Variants in MMP16 observed in about 807,000 individuals in gnomAD.
MMP16 encodes the protein matrix metallopeptidase 16.
In MMP16, 12 loss-of-function variants were observed where a neutral mutation model predicts 67.8. That is an observed-to-expected ratio of 0.18 (90% CI 0.11 to 0.29). The LOEUF (loss-of-function observed/expected upper bound fraction) is 0.29. MMP16 is among the 10% of genes least tolerant of loss of function. The probability of loss-of-function intolerance (pLI) is 1.00; values close to 1 mark genes in which losing one functional copy is unlikely to be tolerated. For missense variants in MMP16, 475 were observed against 765.7 expected (o/e 0.62, Z 4.48); for synonymous variants, 249 against 255.9 (o/e 0.97, Z 0.26).
chr8:88,203,667 C>T (rs1175976829), intron 1 of MMP16, among the ~76,000 whole-genome samples: 1 of 152,128 alleles, frequency 6.6e-6, no homozygotes. Context: ...TGAATTATAT[C>T]ATCTTACAGA....
rs185122880 is a variant in MMP16, at chr8:88,269,503, G to A, written c.132+57572C>T. Among the ~76,000 whole-genome samples the A allele has an allele frequency of 2.6e-3, 391 of 152,268 alleles. 4 individuals are homozygous for A. The Middle Eastern group carries it at 0.031, about 12-fold the overall frequency. ...AGGGGAATAATACATTTACCTAGAA[G>A]CATAAAAATATGTTCAATATGAACA... On this transcript the variant is annotated intron_variant, in intron 1 of 9. Coordinates refer to ENST00000286614, the MANE Select transcript of MMP16 (RefSeq NM_005941.5).
In MMP16 at chr8:88,151,051, G is replaced by A. The variant is rs1242920283; in HGVS notation, c.709+16618C>T. Reference sequence around the variant, plus strand: ...AGCAAATGGAAAACAAAAAAAGGCAGGGGTTGCAATCCTAGTCTCTGATAA... The same window carrying A: ...AGCAAATGGAAAACAAAAAAAGGCAAGGGTTGCAATCCTAGTCTCTGATAA... On this transcript the variant is annotated intron_variant, in intron 4 of 9. Transcript: ENST00000286614. Among the ~76,000 whole-genome samples, 5 of 132,380 alleles carry A rather than the reference G, an allele frequency of 3.8e-5. 1 individual carries two copies. Among genetic ancestry groups the A allele is most frequent in the African/African-American group, 1.5e-4 (5 of 34,354 alleles). 86.8% of individuals were successfully genotyped at this position (132,380 alleles called of 152,430 possible).
intron 1 of MMP16, among the ~76,000 whole-genome samples, chr8:88,232,021 A>AT (rs1174883507): frequency 6.6e-6 from 1 of 152,140 alleles, no homozygotes; most frequent in Admixed American, 6.6e-5. Context: ...GTTTTCCTGC[A>AT]TGGACATTGA....
At chr8:88,320,211 T>C (rs1271975395) in intron 1 of MMP16, among the ~76,000 whole-genome samples, 1 of 152,200 alleles carries the variant, frequency 6.6e-6, no homozygotes, top group Non-Finnish European at 1.5e-5. Context: ...TAAACTCTGC[T>C]TTCATTGAAA....
chr8:88,093,444 C>T (rs960803358), intron 6 of MMP16, among the ~76,000 whole-genome samples: 2 of 151,672 alleles, frequency 1.3e-5, no homozygotes, highest in South Asian at 2.1e-4. Context: ...CTTTTAAGCG[C>T]GAATCACTGA....
chr8:88,147,798 T>TGTGC (rs1808319537), intron 4 of MMP16, among the ~76,000 whole-genome samples: 1 of 151,874 alleles, frequency 6.6e-6, no homozygotes, highest in South Asian at 2.1e-4. Context: ...TGTGTGTGTG[T>TGTGC]GCATGCACGC....
At chr8:88,224,271 T>C (rs1290380687) in intron 1 of MMP16, among the ~76,000 whole-genome samples, 3 of 152,058 alleles carry the variant, frequency 2.0e-5, no homozygotes, top group Admixed American at 2.0e-4. Context: ...TAATACCTCT[T>C]TAAGAATTTA....
At chr8:88,256,680 TCTCTCA>T (rs1383141313) in intron 1 of MMP16, among the ~76,000 whole-genome samples, 3 of 148,516 alleles carry the variant, frequency 2.0e-5, no homozygotes, top group African/African-American at 7.4e-5. Flanking sequence ...TCTCTCTCTC[TCTCTCA>T]CACACACACA....
chr8:88,109,018 TAGA>T (rs552784015), intron 6 of MMP16, among the ~76,000 whole-genome samples: 225 of 151,394 alleles, frequency 1.5e-3, no homozygotes, highest in African/African-American at 5.2e-3. Context: ...GCATTGGGAA[TAGA>T]AGAACAAGAC....
intron 1 of MMP16, among the ~76,000 whole-genome samples, chr8:88,254,192 A>G (rs1340163849): frequency 6.6e-6 from 1 of 152,144 alleles, no homozygotes; most frequent in Admixed American, 6.6e-5. Flanking sequence ...CCACTATCTT[A>G]GAAAATGAAT....
chr8:88,221,806 C>T (rs1008675458), intron 1 of MMP16, among the ~76,000 whole-genome samples: 9 of 151,878 alleles, frequency 5.9e-5, no homozygotes, highest in Non-Finnish European at 8.8e-5. Flanking sequence ...AAGAAAAAAG[C>T]AATTATATTT....
chr8:88,136,299 G>C (rs1381705782), intron 4 of MMP16, among the ~76,000 whole-genome samples: 1 of 151,834 alleles, frequency 6.6e-6, no homozygotes, highest in Admixed American at 6.6e-5. Context: ...CACTGTAAGA[G>C]CTTGACTACA....
intron 1 of MMP16, among the ~76,000 whole-genome samples, chr8:88,200,898 A>T (rs1677831570): frequency 6.6e-6 from 1 of 151,958 alleles, no homozygotes; most frequent in Non-Finnish European, 1.5e-5. Flanking sequence ...GTAATTTTTT[A>T]AAATATGTAT....
At chr8:88,272,777 T>C (rs1449556288) in intron 1 of MMP16, among the ~76,000 whole-genome samples, 1 of 152,218 alleles carries the variant, frequency 6.6e-6, no homozygotes, top group African/African-American at 2.4e-5. Context: ...AGTGAAATTC[T>C]AGCAGAGATG....
chr8:88,305,138 T>G (rs1811193864), intron 1 of MMP16, among the ~76,000 whole-genome samples: 1 of 152,174 alleles, frequency 6.6e-6, no homozygotes, highest in Admixed American at 6.5e-5. Flanking sequence ...AAGCAGGGAT[T>G]GCAATCTTGG....
At chr8:88,161,050 T>C (rs1019635288) in intron 4 of MMP16, among the ~76,000 whole-genome samples, 1 of 152,200 alleles carries the variant, frequency 6.6e-6, no homozygotes, top group Non-Finnish European at 1.5e-5. Flanking sequence ...ATCAGGATGA[T>C]GCTGGCCTCA....
At chr8:88,052,780 TTG>T (rs1252893192) in intron 8 of MMP16, among the ~76,000 whole-genome samples, 1 of 152,198 alleles carries the variant, frequency 6.6e-6, no homozygotes. Context: ...CTGCAACACA[TTG>T]TCCTGAACAG....
chr8:88,217,088 A>G (rs748595340), intron 1 of MMP16, among the ~76,000 whole-genome samples: 1 of 152,004 alleles, frequency 6.6e-6, no homozygotes, highest in African/African-American at 2.4e-5. Flanking sequence ...TGTTCTTCCA[A>G]TGTTTTTCTG....
chr8:88,259,200 C>G lies in MMP16; in HGVS notation c.133-61894G>C, dbSNP rs28904585. 6.8e-3 allele frequency among the ~76,000 whole-genome samples: 1,041 copies of G among 152,194 alleles called. 14 individuals are homozygous for G. Among genetic ancestry groups the G allele is most frequent in the African/African-American group, 0.022 (926 of 41,524 alleles). ...ATAGCTACCTATATATGGATGCTAC[C>G]TATATATAGTATACATGTAACTATC... On this transcript the variant is annotated intron_variant, in intron 1 of 9. Transcript: ENST00000286614.
Sources: gnomAD v4.1 joint callset for allele counts (sites outside exome capture counted in the v4.1 genomes callset) on GRCh38, gnomAD v4.1.1 for gene constraint, MANE v1.5 for transcripts, NCBI Gene and HGNC (gene_info 2026-07-23, HGNC 2026-07-21) for gene names.